The following ZNF208 variants were observed in gnomAD, a reference collection of about 807,000 sequenced individuals.
The protein encoded by ZNF208 is zinc finger protein 95.
In ZNF208, 10 loss-of-function variants were observed where a neutral mutation model predicts 12.1. The ratio of observed to expected loss-of-function variants is 0.83; its 90% CI spans 0.51 to 1.40. The LOEUF (loss-of-function observed/expected upper bound fraction) is 1.40, where lower values mean the gene tolerates loss of function less well. Among genes scored for constraint, ZNF208 ranks in the 40% most tolerant of loss-of-function variants. ZNF208 has a pLI of 0.00. For synonymous variants in ZNF208, 497 were observed against 488.4 expected, an observed-to-expected ratio of 1.02 and a Z score of -0.23; for missense variants, 1,652 against 1,485.0, an observed-to-expected ratio of 1.11 and a Z score of -1.85.
intron 4 of ZNF208, among the ~76,000 whole-genome samples, chr19:21,956,198 G>A (rs1197509354): frequency 6.6e-6 from 1 of 152,218 alleles, no homozygotes; most frequent in East Asian, 1.9e-4. Flanking sequence ...TCCTCTGGAA[G>A]CTTCATCTCA....
chr19:21,962,724 G>A (rs111814870), downstream of ZNF208, among the ~76,000 whole-genome samples: 2,373 of 151,922 alleles, frequency 0.016, 71 homozygotes, highest in African/African-American at 0.054. Context: ...AACAACACTC[G>A]GAAACAAAAC....
At chr19:21,977,531 C>T (rs1970455663) in intron 3 of ZNF208, among the ~76,000 whole-genome samples, 1 of 152,218 alleles carries the variant, frequency 6.6e-6, no homozygotes, top group African/African-American at 2.4e-5. Flanking sequence ...CCATGAAGAA[C>T]CGTGCTCTCC....
rs547268631 is a variant in ZNF208, at chr19:21,969,844, C to T, written c.*1347G>A. 2.5e-4 allele frequency among the ~76,000 whole-genome samples: 38 copies of T among 152,190 alleles called. No individual in the cohort carries two copies. Among genetic ancestry groups the T allele is most frequent in the Non-Finnish European group, 4.3e-4 (29 of 67,998 alleles). ...AGTGACAGTGATTGCACTTTTAATACTTTTATTTAGTATGAACTCTCTGAT... is the reference window on the plus strand; with the variant it reads ...AGTGACAGTGATTGCACTTTTAATATTTTTATTTAGTATGAACTCTCTGAT... On this transcript the variant is annotated 3_prime_UTR_variant, in exon 4 of 4. Transcript: ENST00000397126.
chr19:21,981,552 C>A (rs1165175510), intron 3 of ZNF208, among the ~76,000 whole-genome samples: 1 of 152,094 alleles, frequency 6.6e-6, no homozygotes, highest in Non-Finnish European at 1.5e-5. Context: ...ATAGATGGAA[C>A]GTATCTCAAA....
intron 4 of ZNF208, among the ~76,000 whole-genome samples, chr19:21,949,834 G>A (rs143411232): frequency 6.6e-6 from 1 of 152,314 alleles, no homozygotes; most frequent in East Asian, 1.9e-4. Flanking sequence ...GGTATCAAAG[G>A]CCACGAGGTT....
Position 21,973,139 on chromosome 19 carries a change from G to A in ZNF208, c.1895C>T (p.Ala632Val). 1 of 1,613,386 alleles carries A rather than the reference G, an allele frequency of 6.2e-7. No homozygotes were observed. The highest frequency in any genetic ancestry group is 8.5e-7 in the Non-Finnish European group (1 of 1,179,712). ...STLTTHKAIH[A>V]GEKPYKCKEC... ...TTTACATTTGTAGGGCTTCTCTCCAGCATGAATTGCCTTATGTGTAGTAAG... is the reference window on the plus strand; with the variant it reads ...TTTACATTTGTAGGGCTTCTCTCCAACATGAATTGCCTTATGTGTAGTAAG... The change falls in exon 4 of 4, where the codon GCT (alanine) becomes GTT (valine). Residue 632 changes from alanine to valine, a missense_variant. Coordinates refer to ENST00000397126, the MANE Select transcript of ZNF208 (RefSeq NM_007153.3).
At chr19:22,000,986 C>T (rs1278225441) in intron 1 of ZNF208, among the ~76,000 whole-genome samples, 1 of 152,044 alleles carries the variant, frequency 6.6e-6, no homozygotes, top group Non-Finnish European at 1.5e-5. Context: ...TGAACACACA[C>T]ACACAAAAAT....
chr19:21,993,657 T>G (rs1295146928), intron 1 of ZNF208, among the ~76,000 whole-genome samples: 2 of 152,146 alleles, frequency 1.3e-5, no homozygotes, highest in African/African-American at 4.8e-5. Context: ...GCCCTGTCAA[T>G]AATGATGTTG....
chr19:22,008,177 C>G (rs183858239), intron 1 of ZNF208, among the ~76,000 whole-genome samples: 1 of 151,288 alleles, frequency 6.6e-6, no homozygotes, highest in Admixed American at 6.6e-5. Context: ...GTGGTGCACA[C>G]CTGTAGTCCC....
chr19:21,945,549 A>G (rs1458144532), intron 4 of ZNF208, among the ~76,000 whole-genome samples: 1 of 152,238 alleles, frequency 6.6e-6, no homozygotes, highest in African/African-American at 2.4e-5. Flanking sequence ...AAAATAATTT[A>G]TCATAAAAGC....
Position 21,977,667 on chromosome 19 carries a change from A to C in ZNF208, c.227-2860T>G, listed in dbSNP as rs535168610. 1.7e-4 allele frequency among the ~76,000 whole-genome samples: 26 copies of C among 152,314 alleles called. No individual in the cohort carries two copies. The South Asian group carries it at 5.4e-3, about 32-fold the overall frequency. On this transcript the variant is annotated intron_variant, in intron 3 of 3. Transcript: ENST00000397126. ...CTGGGTGGCCATTTGAGCAGACACC[A>C]AACTAGCTGCAGGAGGCTTTTTTTC...
At chr19:21,999,726 G>A (rs1196698735) in intron 1 of ZNF208, among the ~76,000 whole-genome samples, 1 of 151,848 alleles carries the variant, frequency 6.6e-6, no homozygotes, top group South Asian at 2.1e-4. Context: ...TCAGGTCCCA[G>A]ATAAAGACAA....
downstream of ZNF208, among the ~76,000 whole-genome samples, chr19:21,961,700 T>C (rs1251858905): frequency 3.3e-5 from 5 of 151,994 alleles, no homozygotes; most frequent in Non-Finnish European, 7.4e-5. Flanking sequence ...TTTCCCAGGG[T>C]CTTAATTATT....
At chr19:21,997,703 T>C (rs372914929) in intron 1 of ZNF208, 6 of 164,240 alleles carry the variant, frequency 3.7e-5, no homozygotes, top group Non-Finnish European at 7.6e-5. Flanking sequence ...CTGGGTAGAA[T>C]TGCACCTTCA....
In ZNF208 at chr19:21,993,132, C is replaced by T. The variant is rs571215780; in HGVS notation, c.4-4223G>A. Among the ~76,000 whole-genome samples the T allele has an allele frequency of 4.9e-4, 75 of 152,106 alleles. 1 individual carries two copies. Among genetic ancestry groups the T allele is most frequent in the South Asian group, 2.9e-3 (14 of 4,810 alleles). On this transcript the variant is annotated intron_variant, in intron 1 of 3. Coordinates refer to ENST00000397126, the MANE Select transcript of ZNF208 (RefSeq NM_007153.3). ...TCCATCCATTTCTGTCCTTTATAGCCGAAGAGATTAACAAAGAGTAGCTCC... is the reference window on the plus strand; with the variant it reads ...TCCATCCATTTCTGTCCTTTATAGCTGAAGAGATTAACAAAGAGTAGCTCC...
At chr19:21,990,433 A>G (rs137976399) in intron 1 of ZNF208, among the ~76,000 whole-genome samples, 2,669 of 95,888 alleles carry the variant, frequency 0.028, 36 homozygotes, top group Non-Finnish European at 0.04. Context: ...GTTCTATTCC[A>G]TTGATCTATA....
At chr19:21,995,041 T>A (rs1013117799) in intron 1 of ZNF208, among the ~76,000 whole-genome samples, 22 of 150,722 alleles carry the variant, frequency 1.5e-4, no homozygotes, top group African/African-American at 5.1e-4. Flanking sequence ...AGCCTCCTCC[T>A]CCCAGGTTCA....
intron 2 of ZNF208, among the ~76,000 whole-genome samples, chr19:21,988,122 C>G (rs1444474695): frequency 1.3e-5 from 2 of 152,022 alleles, no homozygotes; most frequent in East Asian, 3.9e-4. Context: ...TGCCAGTAAA[C>G]TTTTGAAATT....
intron 1 of ZNF208, among the ~76,000 whole-genome samples, chr19:22,000,097 C>T (rs1323440398): frequency 1.3e-5 from 2 of 152,186 alleles, no homozygotes; most frequent in Non-Finnish European, 2.9e-5. Context: ...GACTCAGAAT[C>T]TGACACAGTA....
Sources: gnomAD v4.1 joint callset for allele counts (sites outside exome capture counted in the v4.1 genomes callset) on GRCh38, gnomAD v4.1.1 for gene constraint, MANE v1.5 for transcripts, NCBI Gene and HGNC (gene_info 2026-07-23, HGNC 2026-07-21) for gene names.